The following MXRA5 variants were observed in gnomAD, a reference collection of about 807,000 sequenced individuals.
MXRA5 encodes the protein matrix-remodeling-associated protein 5.
A neutral mutation model predicts 112.5 loss-of-function variants in MXRA5; 41 were observed. The observed-to-expected ratio is 0.36, with a 90% CI of 0.28 to 0.47. The LOEUF (loss-of-function observed/expected upper bound fraction) is 0.47. Ranked by LOEUF, MXRA5 falls within the 20% of genes least tolerant of loss-of-function variation. The pLI is 0.99. For synonymous variants in MXRA5, 862 were observed against 900.8 expected (o/e 0.96, Z 0.77); for missense variants, 2,150 against 2,251.0 (o/e 0.96, Z 0.91).
At chrX:3,338,602 A>G (rs1405350559) in intron 2 of MXRA5, among the ~76,000 whole-genome samples, 1 of 110,735 alleles carries the variant, frequency 9.0e-6, no homozygotes, top group Admixed American at 9.6e-5. Flanking sequence ...TGATAAATAG[A>G]TGATAGAGAA....
In MXRA5 at chrX:3,317,287, G is replaced by A; in HGVS notation, c.6394C>T (p.Arg2132Cys). 2 of 1,206,400 alleles carry A rather than the reference G, an allele frequency of 1.7e-6. No homozygotes were observed. The highest frequency in any genetic ancestry group is 1.1e-6 in the Non-Finnish European group (1 of 892,576). ...CVAANLVGSA[R>C]RTVQLNVQRA... ...TGCACGTTCAGCTGCACCGTCCTGC[G>A]CGCGGAGCCTACCAGGTTGGCGGCC... Residue 2132 changes from arginine to cysteine, a missense_variant, in exon 6 of 7, where the codon CGC becomes TGC. Physicochemically the swap from Arg to Cys is radical, Grantham distance 180 (BLOSUM62 -3). Around this residue, in one of 6 missense-constraint regions of MXRA5, gnomAD observed 1,485 missense variants for 1,471.6 expected, o/e 1.01. Transcript: ENST00000217939.
chrX:3,327,520 G>T (rs1921542019), intron 4 of MXRA5, among the ~76,000 whole-genome samples: 1 of 112,464 alleles, frequency 8.9e-6, no homozygotes, highest in Non-Finnish European at 1.9e-5. Context: ...TTTTAGAAAA[G>T]ATGAGTTCAA....
At chrX:3,315,713 C>T (rs1921097854) in intron 6 of MXRA5, among the ~76,000 whole-genome samples, 3 of 111,025 alleles carry the variant, frequency 2.7e-5, no homozygotes, top group African/African-American at 9.9e-5. Context: ...GCTTGGCTTT[C>T]TTCATAGCCC....
intron 4 of MXRA5, among the ~76,000 whole-genome samples, chrX:3,327,585 G>A (rs1363391828): frequency 8.9e-6 from 1 of 112,416 alleles, no homozygotes; most frequent in East Asian, 2.8e-4. Flanking sequence ...CAGGATTAAG[G>A]ACTATGCCTC....
chrX:3,316,865 A>C (rs1430876256), intron 6 of MXRA5, among the ~76,000 whole-genome samples: 1 of 110,022 alleles, frequency 9.1e-6, no homozygotes, highest in African/African-American at 3.3e-5. Context: ...TATTAGAGAC[A>C]GTGTTTCACC....
In MXRA5 at chrX:3,317,958, A is replaced by C; in HGVS notation, c.5723T>G (p.Leu1908Arg). ...PNTRIQRFEV[L>R]KNGTLVIRKV... is the part of the protein sequence containing the mutation. Reference sequence around the variant, plus strand: ...CCGTATCACTAAGGTACCGTTCTTGAGAACCTCAAACCGTTGTATCCTGGT... The same window carrying C: ...CCGTATCACTAAGGTACCGTTCTTGCGAACCTCAAACCGTTGTATCCTGGT... The change falls in exon 6 of 7, where the codon CTC becomes CGC. Residue 1908 changes from leucine (L) to arginine (R), a missense_variant. By Grantham distance (102) the Leu-to-Arg change is moderately radical (BLOSUM62 -2). Coordinates refer to ENST00000217939, the MANE Select transcript of MXRA5 (RefSeq NM_015419.4). 1.7e-6 allele frequency: 2 copies of C among 1,209,145 alleles called. No individual in the cohort carries two copies. Among genetic ancestry groups the C allele is most frequent in the Non-Finnish European group, 2.2e-6 (2 of 894,248 alleles).
Position 3,324,523 on chromosome X carries a change from G to A in MXRA5, c.1162C>T (p.Pro388Ser). The change falls in exon 5 of 7, where the codon CCC becomes TCC. Residue 388 changes from proline to serine, a missense_variant. Around this residue, in one of 6 missense-constraint regions of MXRA5, gnomAD observed 386 missense variants for 411.0 expected, o/e 0.94. Transcript: ENST00000217939. ...ATGAGCTCTCTGTGTAGCTTCACGG[G>A]AACTTCACTGTAGTATGCTATCAAT... is the stretch of plus-strand genomic sequence containing the variant. Reference protein sequence around the residue: ...WKLIAYYSEVPVKLHRELMLS... With the variant: ...WKLIAYYSEVSVKLHRELMLS... 8.3e-7 allele frequency: 1 copy of A among 1,211,218 alleles called. No individual in the cohort carries two copies. The highest frequency in any genetic ancestry group is 1.8e-5 in the South Asian group (1 of 56,893).
chrX:3,314,447 G>T (rs970714307), intron 6 of MXRA5, among the ~76,000 whole-genome samples: 2 of 111,343 alleles, frequency 1.8e-5, no homozygotes, highest in Non-Finnish European at 3.8e-5. Context: ...GCAAACAACT[G>T]CCATAGCTAG....
In MXRA5 at chrX:3,331,529, A is replaced by G. The variant is rs775511062; in HGVS notation, c.189-756T>C. 3.6e-5 allele frequency among the ~76,000 whole-genome samples: 4 copies of G among 111,925 alleles called. No individual in the cohort carries two copies. The South Asian group carries it at 1.5e-3, about 42-fold the overall frequency. On this transcript the variant is annotated intron_variant, in intron 2 of 6. Coordinates refer to ENST00000217939, the MANE Select transcript of MXRA5 (RefSeq NM_015419.4). Reference sequence around the variant, plus strand: ...TCCACGGCATTGGAATTTGCTTTGCATATGGTAAGAAAGGAGACAGCTCCA... The same window carrying G: ...TCCACGGCATTGGAATTTGCTTTGCGTATGGTAAGAAAGGAGACAGCTCCA...
At chrX:3,333,638 T>C (rs1281682449) in intron 2 of MXRA5, among the ~76,000 whole-genome samples, 1 of 111,732 alleles carries the variant, frequency 8.9e-6, no homozygotes, top group Admixed American at 9.5e-5. Flanking sequence ...CACTGTTAAC[T>C]GAGGTGGGAG....
At position 3,310,618 on chromosome X, in the gene MXRA5, A is replaced by G. The variant is rs1603467739; in HGVS notation, c.7585T>C (p.Leu2529=). ...TCCAGGACAGTGAGCTGCAGGATCA[A>G]CCTGGCCTCCCCTCCCTCGTTGCGT... ...MARNEGGEAR[L]ILQLTVLEPM... is the part of the protein sequence containing the mutation. Residue 2529 remains leucine (L), a synonymous_variant, in exon 7 of 7, where the codon TTG becomes CTG. Transcript: ENST00000217939. The G allele has an allele frequency of 1.2e-6, 1 of 863,198 alleles. No homozygotes were observed. Among genetic ancestry groups the G allele is most frequent in the Non-Finnish European group, 1.6e-6 (1 of 618,343 alleles). 71.1% of individuals were successfully genotyped at this position (863,198 alleles called of 1,213,427 possible).
At chrX:3,314,347 A>C (rs781331267) in intron 6 of MXRA5, among the ~76,000 whole-genome samples, 1 of 111,918 alleles carries the variant, frequency 8.9e-6, no homozygotes, top group Non-Finnish European at 1.9e-5. Flanking sequence ...TCCACCCACC[A>C]GGTGCCAGTA....
chrX:3,334,379 T>G (rs1307966462), intron 2 of MXRA5, among the ~76,000 whole-genome samples: 1 of 111,531 alleles, frequency 9.0e-6, no homozygotes, highest in African/African-American at 3.3e-5. Flanking sequence ...TCATTAGTAA[T>G]GCTACTGAGG....
rs778435818 is a variant in MXRA5, at chrX:3,317,745, G to A, written c.5936C>T (p.Ala1979Val). ...AMECLAKGTP[A>V]PQISWIFPDR... ...AGGGAAGATCCAGGAAATTTGGGGG[G>A]CTGGGGTCCCTTTGGCCAGACACTC... is the stretch of plus-strand genomic sequence containing the variant. Residue 1979 changes from alanine (A) to valine (V), a missense_variant, in exon 6 of 7, where the codon GCC (alanine) becomes GTC (valine). This residue lies in a region of MXRA5 where 1,485 missense variants were observed against 1,471.6 expected (regional missense o/e 1.01). Transcript: ENST00000217939. The A allele has an allele frequency of 3.1e-5, 37 of 1,206,335 alleles. No homozygotes were observed. The highest frequency in any genetic ancestry group is 4.0e-5 in the Non-Finnish European group (36 of 892,967).
intron 6 of MXRA5, among the ~76,000 whole-genome samples, chrX:3,316,085 G>A (rs1356409608): frequency 1.6e-5 from 1 of 60,616 alleles, no homozygotes. Context: ...GGGGCCGGGC[G>A]CGGCGGATCA....
intron 2 of MXRA5, among the ~76,000 whole-genome samples, chrX:3,339,942 A>T (rs1921876206): frequency 8.9e-6 from 1 of 112,099 alleles, no homozygotes; most frequent in Admixed American, 9.5e-5. Flanking sequence ...TTGCAAAATT[A>T]TGTCTTCGGT....
intron 6 of MXRA5, among the ~76,000 whole-genome samples, chrX:3,313,507 A>G (rs758915329): frequency 1.4e-4 from 16 of 110,494 alleles, no homozygotes; most frequent in Admixed American, 3.8e-4. Flanking sequence ...CAATCCACCC[A>G]CCTCGGCCTC....
rs1189583176 is a variant in MXRA5 at position 3,321,777 on chromosome X, T to C, written c.3908A>G (p.Tyr1303Cys). ...LDYMTTTRKIYSSYPKVQETL... is the reference protein window; with the variant it reads ...LDYMTTTRKICSSYPKVQETL... The stretch of plus-strand genomic sequence containing the variant: ...CTCTTGGACTTTAGGGTAAGATGAA[T>C]ATATTTTTCTGGTGGTTGTCATGTA... Residue 1303 changes from tyrosine to cysteine, a missense_variant, in exon 5 of 7, where the codon TAT becomes TGT. This residue lies in a region of MXRA5 where 1,485 missense variants were observed against 1,471.6 expected (regional missense o/e 1.01). Transcript: ENST00000217939. 5 of 1,209,221 alleles carry C rather than the reference T, an allele frequency of 4.1e-6. No individual in the cohort carries two copies. The highest frequency in any genetic ancestry group is 1.8e-5 in the South Asian group (1 of 56,696).
chrX:3,315,306 A>C lies in MXRA5; in HGVS notation c.6578+1797T>G, dbSNP rs12395589. Reference sequence around the variant, plus strand: ...CATAGATGATGGATGGATAGACAGAAAGACAGACAGATGATAGATAGATAG... The same window carrying C: ...CATAGATGATGGATGGATAGACAGACAGACAGACAGATGATAGATAGATAG... On this transcript the variant is annotated intron_variant, in intron 6 of 6. Transcript: ENST00000217939. Among the ~76,000 whole-genome samples, 57 of 84,057 alleles carry C rather than the reference A, an allele frequency of 6.8e-4. 2 individuals carry two copies. In the East Asian group the frequency reaches 0.017, roughly 25 times the overall value. The allele number at this position is 84,057 out of a possible 115,157, so 73.0% of individuals were successfully genotyped here.
Sources: allele counts gnomAD v4.1 joint callset (sites outside exome capture counted in the v4.1 genomes callset), GRCh38; gene constraint gnomAD v4.1.1; regional missense constraint gnomAD v4.1.1; transcripts MANE v1.5; gene names NCBI Gene and HGNC (gene_info 2026-07-23, HGNC 2026-07-21).